The following ERAP1 variants were observed in gnomAD, a reference collection of about 807,000 sequenced individuals.
ERAP1 encodes adipocyte-derived leucine aminopeptidase.
In ERAP1, 86 loss-of-function variants were observed where a neutral mutation model predicts 103.7. The observed-to-expected ratio is 0.83, with a 90% CI of 0.70 to 0.99. ERAP1 has a LOEUF of 0.99. ERAP1 is among the 50% of genes least tolerant of loss of function. ERAP1 has a pLI of 0.00. For missense variants in ERAP1, 1,009 were observed against 1,128.4 expected (o/e 0.89, Z 1.52); for synonymous variants, 398 against 402.4 (o/e 0.99, Z 0.13).
chr5:96,843,376 GC>G, the ERAP1 span, among the ~76,000 whole-genome samples: 2 of 152,150 alleles, frequency 1.3e-5, no homozygotes, highest in African/African-American at 4.8e-5. Context: ...CTTATTGGTT[GC>G]AGAAAGTGAC....
chr5:96,934,743 C>A, the ERAP1 span: 1 of 152,296 alleles, frequency 6.6e-6, no homozygotes, highest in Non-Finnish European at 1.5e-5. Context: ...GCGCTTGCCG[C>A]GGCTTGTTTG....
At chr5:96,765,370 T>C in intron 19 of ERAP1, 1 of 940,746 alleles carries the variant, frequency 1.1e-6, no homozygotes, top group Non-Finnish European at 1.7e-6. Context: ...AATAGTGAAA[T>C]TTTAATCCTT....
At chr5:96,915,299 G>A in the ERAP1 span, among the ~76,000 whole-genome samples, 82,411 of 151,990 alleles carry the variant, frequency 0.54, 22,410 homozygotes, top group Admixed American at 0.59. Context: ...GTGAGCCACC[G>A]CGCCCAGCCC....
chr5:96,891,025 G>A, the ERAP1 span, among the ~76,000 whole-genome samples: 83,010 of 151,476 alleles, frequency 0.55, 22,718 homozygotes, highest in Admixed American at 0.6. Flanking sequence ...TCATCAATGC[G>A]ATTTAGAAGA....
chr5:96,770,509 C>G, downstream of ERAP1: 1 of 1,554,420 alleles, frequency 6.4e-7, no homozygotes, highest in Non-Finnish European at 8.9e-7. Context: ...GCCATAGCCT[C>G]ATTACATTTC....
At chr5:96,915,729 G>T in the ERAP1 span, 6 of 1,597,450 alleles carry the variant, frequency 3.8e-6, no homozygotes, top group Non-Finnish European at 5.1e-6. Context: ...ATCATCTCTG[G>T]CACAACAGCT....
the ERAP1 span, among the ~76,000 whole-genome samples, chr5:96,928,303 T>C: frequency 6.6e-6 from 1 of 152,236 alleles, no homozygotes; most frequent in Non-Finnish European, 1.5e-5. Context: ...CCAAAATTTA[T>C]CTGTTAAATT....
At chr5:96,864,511 T>C in the ERAP1 span, among the ~76,000 whole-genome samples, 1 of 152,122 alleles carries the variant, frequency 6.6e-6, no homozygotes. Flanking sequence ...ATGCATCACA[T>C]TGGTAAAAAA....
At chr5:96,931,477 G>A in the ERAP1 span, among the ~76,000 whole-genome samples, 2 of 152,140 alleles carry the variant, frequency 1.3e-5, no homozygotes, top group Non-Finnish European at 2.9e-5. Flanking sequence ...AATTCTTTAA[G>A]TAAAAGGCAT....
intron 2 of ERAP1, among the ~76,000 whole-genome samples, chr5:96,802,889 G>C (rs1778150167): frequency 6.6e-6 from 1 of 151,994 alleles, no homozygotes; most frequent in African/African-American, 2.4e-5. Context: ...GGAGAAACTA[G>C]AATGACGCAG....
chr5:96,872,231 C>T, the ERAP1 span, among the ~76,000 whole-genome samples: 13 of 151,632 alleles, frequency 8.6e-5, no homozygotes, highest in African/African-American at 2.7e-4. Context: ...GTCAGGGAGC[C>T]ATTCGTCATT....
the ERAP1 span, among the ~76,000 whole-genome samples, chr5:96,907,286 T>C: frequency 6.6e-6 from 1 of 152,140 alleles, no homozygotes. Context: ...ACTCAGTAAC[T>C]ATATAAAAAG....
chr5:96,874,749 G>A, the ERAP1 span, among the ~76,000 whole-genome samples: 5 of 152,344 alleles, frequency 3.3e-5, no homozygotes, highest in South Asian at 1.0e-3. Context: ...ATTAAAGCTT[G>A]AGACTTAACT....
intron 19 of ERAP1, chr5:96,767,449 G>A (rs985393569): frequency 1.9e-6 from 3 of 1,612,420 alleles, no homozygotes; most frequent in South Asian, 2.2e-5. Flanking sequence ...ACAAACCAGT[G>A]AAGCCACCTA....
chr5:96,890,477 C>T, the ERAP1 span, among the ~76,000 whole-genome samples: 1 of 152,194 alleles, frequency 6.6e-6, no homozygotes, highest in South Asian at 2.1e-4. Flanking sequence ...TTGACAGGTA[C>T]TGGTCCGCAG....
rs772574827 is a variant in ERAP1 at position 96,788,602 on chromosome 5, T to C, written c.1608A>G (p.Thr536=). ...TCATGTGTACATTCCTCCCCCTCAC[T>C]GTGATGGTTATTAGGGGAAAACCCT... ...LQKGFPLITI[T]VRGRNVHMKQ... The change falls in exon 11 of 19, where the codon ACA becomes ACG. Residue 536 remains threonine, a synonymous_variant. Transcript: ENST00000443439. The C allele has an allele frequency of 6.2e-7, 1 of 1,614,214 alleles. No homozygotes were observed. Among genetic ancestry groups the C allele is most frequent in the South Asian group, 1.1e-5 (1 of 91,092 alleles).
rs933902229 is a variant in ERAP1 at position 96,780,567 on chromosome 5, G to A, written c.2589-63C>T. Reference sequence around the variant, plus strand: ...CTTATTCATTTAACATATATTTTAAGGGCCTCCTATATATAATAGCTTTCA... The same window carrying A: ...CTTATTCATTTAACATATATTTTAAAGGCCTCCTATATATAATAGCTTTCA... On this transcript the variant is annotated intron_variant, in intron 17 of 18. Transcript: ENST00000443439. The A allele has an allele frequency of 7.7e-5, 97 of 1,265,504 alleles. 1 individual carries two copies. Among genetic ancestry groups the A allele is most frequent in the Non-Finnish European group, 1.0e-4 (88 of 864,996 alleles). 78.4% of individuals were successfully genotyped at this position (1,265,504 alleles called of 1,614,324 possible).
the ERAP1 span, among the ~76,000 whole-genome samples, chr5:96,897,753 T>C: frequency 1.3e-5 from 2 of 152,206 alleles, no homozygotes; most frequent in Admixed American, 1.3e-4. Context: ...TAATTTTTTA[T>C]AGAACCATTA....
chr5:96,899,301 C>T, the ERAP1 span, among the ~76,000 whole-genome samples: 3 of 152,182 alleles, frequency 2.0e-5, no homozygotes, highest in Non-Finnish European at 4.4e-5. Flanking sequence ...CCCCATCAAT[C>T]TTCCCCTAAA....
Sources: gnomAD v4.1 joint callset for allele counts (sites outside exome capture counted in the v4.1 genomes callset) on GRCh38, gnomAD v4.1.1 for gene constraint, MANE v1.5 for transcripts, NCBI Gene and HGNC (gene_info 2026-07-23, HGNC 2026-07-21) for gene names.